Variants in ZNF346 observed in about 807,000 individuals in gnomAD.
ZNF346 encodes the protein double-stranded RNA-binding zinc finger protein JAZ.
Under a neutral mutation model 33.7 loss-of-function variants are expected in ZNF346, and 23 were observed. The ratio of observed to expected loss-of-function variants is 0.68; its 90% CI spans 0.49 to 0.97. The LOEUF is 0.97. Among genes scored for constraint, ZNF346 ranks in the 50% least tolerant of loss-of-function variants. The pLI is 0.00. For missense variants in ZNF346, 340 were observed against 371.1 expected (o/e 0.92, Z 0.69); for synonymous variants, 134 against 142.4 (o/e 0.94, Z 0.42).
chr5:177,034,418 G>A (rs143594665), intron 1 of ZNF346, among the ~76,000 whole-genome samples: 3 of 151,916 alleles, frequency 2.0e-5, no homozygotes, highest in African/African-American at 7.3e-5. Flanking sequence ...TAAAGACAGG[G>A]TCCCACTATG....
intron 1 of ZNF346, among the ~76,000 whole-genome samples, chr5:177,029,166 A>C (rs1777316541): frequency 1.3e-5 from 2 of 152,110 alleles, no homozygotes; most frequent in South Asian, 4.1e-4. Flanking sequence ...CCCCATCTTG[A>C]GAGGGTAGAA....
chr5:177,041,655 C>G, intron 2 of ZNF346, 123 bp from the exon 3 acceptor site: 1 of 654,726 alleles, frequency 1.5e-6, no homozygotes, highest in Non-Finnish European at 2.7e-6. Flanking sequence ...TCAAACTTCC[C>G]TCACCTCCTC....
intron 6 of ZNF346, among the ~76,000 whole-genome samples, chr5:177,062,415 G>C (rs567063655): frequency 6.6e-6 from 1 of 152,264 alleles, no homozygotes; most frequent in South Asian, 2.1e-4. Flanking sequence ...AGAACACCTG[G>C]CTGTCCTAGT....
chr5:177,050,843 T>C lies in ZNF346; in HGVS notation c.610T>C (p.Tyr204His). 6.2e-7 allele frequency: 1 copy of C among 1,614,022 alleles called. No homozygotes were observed. Among genetic ancestry groups the C allele is most frequent in the Non-Finnish European group, 8.5e-7 (1 of 1,180,012 alleles). The stretch of plus-strand genomic sequence containing the variant: ...CGACCCTGTCATGGCTCAACAACAT[T>C]ATGTGGGCAAGAAACACAGAAAACA... Reference protein sequence around the residue: ...FNDPVMAQQHYVGKKHRKQET... With the variant: ...FNDPVMAQQHHVGKKHRKQET... Residue 204 changes from tyrosine (Y) to histidine (H), a missense_variant, in exon 5 of 7, where the codon TAT becomes CAT. By Grantham distance (83) the Tyr-to-His change is moderately conservative. Transcript: ENST00000358149.
rs1205287573 is a variant in ZNF346, at chr5:177,067,717, A to G, written c.*3118A>G. Reference sequence around the variant, plus strand: ...ATGATAAGAATGCCCAGGATGCAGGAGCTGACTCAGCCAAGGGCATGAAAA... The same window carrying G: ...ATGATAAGAATGCCCAGGATGCAGGGGCTGACTCAGCCAAGGGCATGAAAA... On this transcript the variant is annotated 3_prime_UTR_variant, in exon 7 of 7. Coordinates refer to ENST00000358149, the MANE Select transcript of ZNF346 (RefSeq NM_012279.4). 6.6e-6 allele frequency among the ~76,000 whole-genome samples: 1 copy of G among 152,218 alleles called. No homozygotes were observed. Among genetic ancestry groups the G allele is most frequent in the Non-Finnish European group, 1.5e-5 (1 of 68,040 alleles).
At chr5:177,045,269 A>G (rs754178560) in intron 4 of ZNF346, among the ~76,000 whole-genome samples, 28 of 152,188 alleles carry the variant, frequency 1.8e-4, no homozygotes, top group Non-Finnish European at 3.5e-4. Context: ...CAAGAAGTAG[A>G]CTACACTATT....
intron 4 of ZNF346, among the ~76,000 whole-genome samples, chr5:177,048,053 G>A (rs922108158): frequency 3.3e-5 from 5 of 151,926 alleles, no homozygotes; most frequent in African/African-American, 7.3e-5. Context: ...TTTAATATTC[G>A]TCTAATGCTG....
At position 177,044,928 on chromosome 5, in the gene ZNF346, T is replaced by A. The variant is rs193198148; in HGVS notation, c.517+395T>A. Among the ~76,000 whole-genome samples the A allele has an allele frequency of 4.6e-5, 7 of 152,308 alleles. No individual in the cohort carries two copies. In the East Asian group the frequency reaches 1.4e-3, roughly 29 times the overall value. On this transcript the variant is annotated intron_variant, in intron 4 of 6. Transcript: ENST00000358149. The stretch of plus-strand genomic sequence containing the variant: ...AAGTTGAAAGCTAAATCCTTGTCTT[T>A]TTCACATGCTCAGGTTATGGCCTAC...
intron 1 of ZNF346, among the ~76,000 whole-genome samples, chr5:177,038,488 A>T (rs1778872439): frequency 6.6e-6 from 1 of 150,720 alleles, no homozygotes; most frequent in South Asian, 2.1e-4. Context: ...AGCATTTCTA[A>T]TTCTCTGTCA....
chr5:177,074,035 C>T (rs1013281047), intron 8 of ZNF346, among the ~76,000 whole-genome samples: 6 of 152,148 alleles, frequency 3.9e-5, no homozygotes, highest in Admixed American at 1.3e-4. Context: ...ACAGCCAGCT[C>T]CATACATGTG....
Position 177,022,923 on chromosome 5 carries a change from G to A in ZNF346, c.175+10G>A. ...GTGGGTAGAGAGGAAGGTGAGTCGGGGGCTTTGGAGGCAGAAAGCCCCTCG... is the reference window on the plus strand; with the variant it reads ...GTGGGTAGAGAGGAAGGTGAGTCGGAGGCTTTGGAGGCAGAAAGCCCCTCG... On this transcript the variant is annotated intron_variant, in intron 1 of 6. Coordinates refer to ENST00000358149, the MANE Select transcript of ZNF346 (RefSeq NM_012279.4). The A allele has an allele frequency of 1.4e-6, 2 of 1,458,054 alleles. No individual in the cohort carries two copies. The highest frequency in any genetic ancestry group is 2.5e-5 in the East Asian group (1 of 39,556). 90.3% of individuals were successfully genotyped at this position (1,458,054 alleles called of 1,614,324 possible). A position where few individuals can be genotyped will look rare whatever the true frequency, so the allele number is the denominator to read the frequency against.
intron 8 of ZNF346, among the ~76,000 whole-genome samples, chr5:177,076,218 C>T (rs1783738361): frequency 6.6e-6 from 1 of 152,210 alleles, no homozygotes; most frequent in African/African-American, 2.4e-5. Context: ...TCTCTTGGAT[C>T]ACCAGCTCTG....
Position 177,044,455 on chromosome 5 carries a change from G to C in ZNF346, c.439G>C (p.Val147Leu), listed in dbSNP as rs769898465. The stretch of plus-strand genomic sequence containing the variant: ...CTGTAACATGACCTTTTCCTCCCCT[G>C]TCGTGGCCCAGTCGCACTACCTGGG... Reference protein sequence around the residue: ...PICNMTFSSPVVAQSHYLGKT... With the variant: ...PICNMTFSSPLVAQSHYLGKT... The change falls in exon 4 of 7, where the codon GTC becomes CTC. Residue 147 changes from valine to leucine, a missense_variant. Coordinates refer to ENST00000358149, the MANE Select transcript of ZNF346 (RefSeq NM_012279.4). 6.2e-7 allele frequency: 1 copy of C among 1,614,100 alleles called. No homozygotes were observed. The highest frequency in any genetic ancestry group is 8.5e-7 in the Non-Finnish European group (1 of 1,180,024).
chr5:177,059,777 T>A (rs1782220985), intron 5 of ZNF346, among the ~76,000 whole-genome samples: 1 of 152,202 alleles, frequency 6.6e-6, no homozygotes, highest in Admixed American at 6.5e-5. Context: ...TTATTGGACT[T>A]TTACCTAATA....
chr5:177,061,290 C>T (rs1233516138), intron 5 of ZNF346, among the ~76,000 whole-genome samples: 1 of 150,162 alleles, frequency 6.7e-6, no homozygotes, highest in Non-Finnish European at 1.5e-5. Flanking sequence ...ACCAAAAATA[C>T]AAAAATTAGC....
At position 177,065,150 on chromosome 5, in the gene ZNF346, G is replaced by A. The variant is rs1256289717; in HGVS notation, c.*551G>A. On this transcript the variant is annotated 3_prime_UTR_variant, in exon 7 of 7. Transcript: ENST00000358149. ...AGACCAGATATGGCCAGTTGCGCAG[G>A]TTTCTGCCAACTGTGAAGTATCCTC... 1 of 153,194 alleles carries A rather than the reference G, an allele frequency of 6.5e-6. No homozygotes were observed. Among genetic ancestry groups the A allele is most frequent in the African/African-American group, 2.4e-5 (1 of 41,442 alleles). The allele number at this position is 153,194 out of a possible 1,614,324, so 9.5% of individuals were successfully genotyped here. A position where few individuals can be genotyped will look rare whatever the true frequency, so the allele number is the denominator to read the frequency against.
intron 1 of ZNF346, among the ~76,000 whole-genome samples, chr5:177,033,500 T>TTTTTG (rs564917691): frequency 7.2e-5 from 11 of 152,152 alleles, no homozygotes; most frequent in Non-Finnish European, 7.4e-5. Flanking sequence ...TTGACGAATT[T>TTTTTG]TTTTGTTTTG....
intron 4 of ZNF346, among the ~76,000 whole-genome samples, chr5:177,046,509 A>C (rs1457732749): frequency 6.6e-6 from 1 of 152,116 alleles, no homozygotes; most frequent in Non-Finnish European, 1.5e-5. Flanking sequence ...CTTTTCATTT[A>C]ATTTTACAGC....
intron 5 of ZNF346, among the ~76,000 whole-genome samples, chr5:177,051,170 CTT>C (rs906484576): frequency 2.9e-5 from 3 of 104,846 alleles, no homozygotes; most frequent in Admixed American, 2.0e-4. Context: ...GTTTTCTTTT[CTT>C]TTTTTTTTTT....
Sources: gnomAD v4.1 joint callset for allele counts (sites outside exome capture counted in the v4.1 genomes callset) on GRCh38, gnomAD v4.1.1 for gene constraint, MANE v1.5 for transcripts, NCBI Gene and HGNC (gene_info 2026-07-23, HGNC 2026-07-21) for gene names.